The following GALNT7 variants were observed in gnomAD, a reference collection of about 807,000 sequenced individuals.
GALNT7 encodes polypeptide N-acetylgalactosaminyltransferase 7.
GALNT7 carries 60 observed loss-of-function variants against 82.1 expected under a neutral mutation model. The observed-to-expected ratio is 0.73, with a 90% CI of 0.59 to 0.91. GALNT7 has a LOEUF of 0.91. Ranked by LOEUF, GALNT7 falls within the 40% of genes least tolerant of loss-of-function variation. GALNT7 has a pLI of 0.00. For missense variants in GALNT7, 660 were observed against 804.2 expected (o/e 0.82, Z 2.17); for synonymous variants, 243 against 275.1 (o/e 0.88, Z 1.15).
chr4:173,265,898 A>G (rs1735471517), intron 2 of GALNT7, among the ~76,000 whole-genome samples: 1 of 152,068 alleles, frequency 6.6e-6, no homozygotes, highest in Non-Finnish European at 1.5e-5. Context: ...GTCACATGGT[A>G]GCTTTTAAAG....
In GALNT7 at chr4:173,295,515, A is replaced by G; in HGVS notation, c.874A>G (p.Lys292Glu). The G allele has an allele frequency of 6.2e-7, 1 of 1,613,690 alleles. No individual in the cohort carries two copies. Among genetic ancestry groups the G allele is most frequent in the Non-Finnish European group, 8.5e-7 (1 of 1,179,692 alleles). Reference sequence around the variant, plus strand: ...ACGAAGTATTGGTGCTCAGAAGGCTAAACTTGGACAGGTAGGAAGCATTTG... The same window carrying G: ...ACGAAGTATTGGTGCTCAGAAGGCTGAACTTGGACAGGTAGGAAGCATTTG... Reference protein sequence around the residue: ...QARSIGAQKAKLGQVLIYLDA... With the variant: ...QARSIGAQKAELGQVLIYLDA... The change falls in exon 4 of 12, where the codon AAA (lysine) becomes GAA (glutamate). Residue 292 changes from lysine (K) to glutamate (E), a missense_variant. Physicochemically the swap from Lys to Glu is moderately conservative, Grantham distance 56. Transcript: ENST00000265000.
chr4:173,264,313 T>C (rs1735397429), intron 2 of GALNT7, among the ~76,000 whole-genome samples: 1 of 152,224 alleles, frequency 6.6e-6, no homozygotes, highest in South Asian at 2.1e-4. Flanking sequence ...CAAAATGTTA[T>C]AAGACAAAGC....
intron 2 of GALNT7, among the ~76,000 whole-genome samples, chr4:173,275,404 C>G (rs537436035): frequency 6.6e-6 from 1 of 152,272 alleles, no homozygotes; most frequent in East Asian, 1.9e-4. Context: ...AACACCTGGA[C>G]AGCTGCATCC....
In GALNT7 at chr4:173,314,090, A is replaced by G. The variant is rs754374315; in HGVS notation, c.1522A>G (p.Lys508Glu). 6.2e-6 allele frequency: 10 copies of G among 1,613,866 alleles called. No individual in the cohort carries two copies. In the South Asian group the frequency reaches 9.9e-5, roughly 16 times the overall value. ...AAAATTTCGAGAAGATCACAACTGC[A>G]AAAGTTTTAAGTGGTTCATGGAAGA... ...LKKFREDHNC[K>E]SFKWFMEEIA... Residue 508 changes from lysine (K) to glutamate (E), a missense_variant, in exon 9 of 12, where the codon AAA becomes GAA. This residue lies in a region of GALNT7 where 527 missense variants were observed against 683.5 expected (regional missense o/e 0.77). Transcript: ENST00000265000.
At position 173,284,396 on chromosome 4, in the gene GALNT7, T is replaced by G. The variant is rs73872525; in HGVS notation, c.588-7712T>G. Among the ~76,000 whole-genome samples, 1,500 of 152,354 alleles carry G rather than the reference T, an allele frequency of 9.8e-3. 24 individuals are homozygous for G. Among genetic ancestry groups the G allele is most frequent in the African/African-American group, 0.034 (1,422 of 41,578 alleles). Reference sequence around the variant, plus strand: ...CCTTAATTGTGATTGATAGCAAATATTCAGACATTAGAACCTTAGACATCC... The same window carrying G: ...CCTTAATTGTGATTGATAGCAAATAGTCAGACATTAGAACCTTAGACATCC... On this transcript the variant is annotated intron_variant, in intron 2 of 11. Transcript: ENST00000265000.
chr4:173,294,508 A>C (rs1156393925), intron 3 of GALNT7, among the ~76,000 whole-genome samples: 1 of 152,128 alleles, frequency 6.6e-6, no homozygotes, highest in African/African-American at 2.4e-5. Flanking sequence ...CTCATCTCTA[A>C]ATACAGCAAT....
At chr4:173,169,066 C>A in intron 1 of GALNT7, 105 bp downstream of exon 1, 1 of 1,116,690 alleles carries the variant, frequency 9.0e-7, no homozygotes, top group Non-Finnish European at 1.2e-6. Context: ...ACGGCGTGGG[C>A]ACCGCAGCTC....
Position 173,203,880 on chromosome 4 carries a change from C to T in GALNT7, c.126+34919C>T, listed in dbSNP as rs116326785. On this transcript the variant is annotated intron_variant, in intron 1 of 11. Coordinates refer to ENST00000265000, the MANE Select transcript of GALNT7 (RefSeq NM_017423.3). The stretch of plus-strand genomic sequence containing the variant: ...TAAAGTATAAGTGATGTATACACCA[C>T]TATCACAGTATTATTCTGAATTTGA... Among the ~76,000 whole-genome samples, 305 of 152,320 alleles carry T rather than the reference C, an allele frequency of 2.0e-3. 2 individuals are homozygous for T. The highest frequency in any genetic ancestry group is 7.0e-3 in the African/African-American group (289 of 41,568).
Position 173,248,438 on chromosome 4 carries a change from A to G in GALNT7, c.585A>G (p.Glu195=). Residue 195 remains glutamate, a splice_region_variant and synonymous_variant, in exon 2 of 12, where the codon GAA becomes GAG. Transcript: ENST00000265000. The part of the protein sequence containing the change: ...LDRSVNDLRQ[E]ECKYWHYDEN... ...GCAGCGTCAATGACTTACGCCAAGA[A>G]GAGTAAGCACACATCCTCTTCTTTC... The G allele has an allele frequency of 6.3e-7, 1 of 1,587,804 alleles. No homozygotes were observed. Among genetic ancestry groups the G allele is most frequent in the East Asian group, 2.2e-5 (1 of 44,696 alleles).
intron 2 of GALNT7, among the ~76,000 whole-genome samples, chr4:173,283,635 GAAAA>G (rs201117902): frequency 2.2e-5 from 2 of 92,846 alleles, no homozygotes; most frequent in African/African-American, 7.8e-5. Context: ...AACTCTGTCT[GAAAA>G]AAAAAAAAAA....
intron 2 of GALNT7, among the ~76,000 whole-genome samples, chr4:173,279,442 A>T (rs1561186767): frequency 6.6e-6 from 1 of 152,158 alleles, no homozygotes; most frequent in African/African-American, 2.4e-5. Context: ...CTACATTTTA[A>T]CATGAGATTT....
At chr4:173,250,396 G>A (rs1734804657) in intron 2 of GALNT7, among the ~76,000 whole-genome samples, 1 of 152,064 alleles carries the variant, frequency 6.6e-6, no homozygotes, top group African/African-American at 2.4e-5. Context: ...GATGTACAAG[G>A]CTTAAAGCAG....
intron 2 of GALNT7, among the ~76,000 whole-genome samples, chr4:173,268,539 T>TTTG (rs1735594646): frequency 8.3e-6 from 1 of 121,070 alleles, no homozygotes; most frequent in Non-Finnish European, 1.8e-5. Flanking sequence ...CGTTTTTTTT[T>TTTG]TTTTTTTTTT....
chr4:173,291,871 A>C (rs1014629709), intron 2 of GALNT7, among the ~76,000 whole-genome samples: 4 of 151,908 alleles, frequency 2.6e-5, no homozygotes, highest in African/African-American at 9.7e-5. Flanking sequence ...TTCACAAATT[A>C]AGTCTTTTTA....
At chr4:173,298,957 C>A (rs1015678180) in intron 6 of GALNT7, among the ~76,000 whole-genome samples, 1 of 152,206 alleles carries the variant, frequency 6.6e-6, no homozygotes, top group Non-Finnish European at 1.5e-5. Flanking sequence ...TTCAGTAGAA[C>A]AACTTATGCT....
chr4:173,249,454 G>A (rs1734776270), intron 2 of GALNT7, among the ~76,000 whole-genome samples: 1 of 152,186 alleles, frequency 6.6e-6, no homozygotes, highest in Non-Finnish European at 1.5e-5. Context: ...GAAGAGATGA[G>A]TGAAATGTGC....
Position 173,295,807 on chromosome 4 carries a change from G to A in GALNT7, c.929G>A (p.Trp310Ter). 6.2e-7 allele frequency: 1 copy of A among 1,609,338 alleles called. No homozygotes were observed. The highest frequency in any genetic ancestry group is 8.5e-7 in the Non-Finnish European group (1 of 1,175,834). ...LDAHCEVAVN[W>*]YAPLVAPISK... ...GCCCACTGTGAGGTGGCAGTTAACTGGTATGCACCACTTGTAGCTCCCATA... is the reference window on the plus strand; with the variant it reads ...GCCCACTGTGAGGTGGCAGTTAACTAGTATGCACCACTTGTAGCTCCCATA... The change falls in exon 5 of 12, where the codon TGG (tryptophan) becomes TAG (stop). Residue 310 changes from tryptophan to a stop codon, truncating the protein, a stop_gained. Transcript: ENST00000265000. LOFTEE classifies it high-confidence loss of function.
intron 5 of GALNT7, chr4:173,297,895 T>C: frequency 6.6e-7 from 1 of 1,506,752 alleles, no homozygotes; most frequent in Non-Finnish European, 8.8e-7. Context: ...CAGAGGGGCC[T>C]GGGACTGGAG....
intron 1 of GALNT7, among the ~76,000 whole-genome samples, chr4:173,210,694 C>T (rs1733252361): frequency 6.6e-6 from 1 of 152,064 alleles, no homozygotes; most frequent in Non-Finnish European, 1.5e-5. Context: ...GGCCTCGCAG[C>T]GTACTAGGAT....
Sources: gnomAD v4.1 joint callset for allele counts (sites outside exome capture counted in the v4.1 genomes callset) on GRCh38, gnomAD v4.1.1 for gene constraint, gnomAD v4.1.1 regional missense constraint, MANE v1.5 for transcripts, NCBI Gene and HGNC (gene_info 2026-07-23, HGNC 2026-07-21) for gene names.